Variants in TPCN2 observed in about 807,000 individuals in gnomAD.
TPCN2 encodes two pore segment channel 2.
In TPCN2, 92 loss-of-function variants were observed where a neutral mutation model predicts 111.4. The observed-to-expected ratio is 0.83, with a 90% confidence interval of 0.70 to 0.98. TPCN2 has a LOEUF of 0.98. Ranked by LOEUF, TPCN2 falls within the 50% of genes least tolerant of loss-of-function variation. The probability of loss-of-function intolerance (pLI) is 0.00; values close to 1 mark genes in which losing one functional copy is unlikely to be tolerated. For missense variants in TPCN2, 995 were observed against 980.1 expected, an observed-to-expected ratio of 1.02 and a Z score of -0.20; for synonymous variants, 405 against 414.5, an observed-to-expected ratio of 0.98 and a Z score of 0.28.
At position 69,049,087 on chromosome 11, in the gene TPCN2, C is replaced by T. The variant is rs1237710754; in HGVS notation, c.90C>T (p.Arg30=). 9 of 1,242,138 alleles carry T rather than the reference C, an allele frequency of 7.2e-6. No homozygotes were observed. The highest frequency in any genetic ancestry group is 9.1e-6 in the Non-Finnish European group (9 of 987,972). 76.9% of individuals were successfully genotyped at this position (1,242,138 alleles called of 1,614,324 possible). The change falls in exon 1 of 25, where the codon CGC becomes CGT. Residue 30 remains arginine (R), a synonymous_variant. Coordinates refer to ENST00000294309, the MANE Select transcript of TPCN2 (RefSeq NM_139075.4). Reference sequence around the variant, plus strand: ...GGCCGGCGGGGCTGACCACTTACCGCAGCATCCAAGTCGGCCCTGGTGAGC... The same window carrying T: ...GGCCGGCGGGGCTGACCACTTACCGTAGCATCCAAGTCGGCCCTGGTGAGC... The part of the protein sequence containing the change: ...GDWPAGLTTY[R]SIQVGPGAAA...
At chr11:69,073,192 A>T (rs568750802) in intron 13 of TPCN2, among the ~76,000 whole-genome samples, 191 bp downstream of exon 13, 2 of 152,294 alleles carry the variant, frequency 1.3e-5, no homozygotes, top group South Asian at 2.1e-4. Context: ...TATGAAATTC[A>T]CCAGACCCCA....
intron 19 of TPCN2, chr11:69,084,958 G>C: frequency 2.7e-6 from 1 of 366,512 alleles, no homozygotes; most frequent in Non-Finnish European, 3.8e-6. Flanking sequence ...AGGGTACCTG[G>C]GGGCAGGGCC....
At chr11:69,077,566 C>G (rs1029894852) in intron 13 of TPCN2, among the ~76,000 whole-genome samples, 22 of 152,252 alleles carry the variant, frequency 1.4e-4, no homozygotes, top group African/African-American at 5.3e-4. Context: ...AGAATAGCCA[C>G]TCTATTCAAC....
At chr11:69,071,575 A>G (rs565219756) in intron 10 of TPCN2, among the ~76,000 whole-genome samples, 155 bp downstream of exon 10, 2 of 152,304 alleles carry the variant, frequency 1.3e-5, no homozygotes, top group South Asian at 4.1e-4. Context: ...CCGGGGATGC[A>G]CATGTGTTGT....
intron 5 of TPCN2, among the ~76,000 whole-genome samples, chr11:69,062,640 T>C (rs1399794005): frequency 6.6e-6 from 1 of 152,046 alleles, no homozygotes; most frequent in African/African-American, 2.4e-5. Context: ...AACCTGTGTG[T>C]GCAGCGCCCA....
At chr11:69,052,753 A>G (rs1476233770) in intron 1 of TPCN2, among the ~76,000 whole-genome samples, 2 of 152,180 alleles carry the variant, frequency 1.3e-5, no homozygotes, top group African/African-American at 2.4e-5. Flanking sequence ...TGGGCGGGTC[A>G]TGGCCTGGAG....
At chr11:69,057,732 C>T in intron 5 of TPCN2, 38 bp downstream of exon 5, 1 of 1,597,236 alleles carries the variant, frequency 6.3e-7, no homozygotes, top group Non-Finnish European at 8.6e-7. Context: ...ATGGAGAGAT[C>T]TGGGGCTGGT....
Position 69,055,178 on chromosome 11 carries a change from T to A in TPCN2, c.255T>A (p.Thr85=). 6.2e-7 allele frequency: 1 copy of A among 1,614,006 alleles called. No homozygotes were observed. Reference sequence around the variant, plus strand: ...CATGTTTCTGTCCCCTTTCCAGGACTTTGAGCTTCACCATCTTCTTGATCC... The same window carrying A: ...CATGTTTCTGTCCCCTTTCCAGGACATTGAGCTTCACCATCTTCTTGATCC... The part of the protein sequence containing the change: ...RRYYSNVCQR[T]LSFTIFLILF... The change falls in exon 4 of 25, where the codon ACT becomes ACA. Residue 85 remains threonine, a synonymous_variant. Transcript: ENST00000294309.
chr11:69,076,551 CT>C (rs1855758428), intron 13 of TPCN2, among the ~76,000 whole-genome samples: 1 of 47,670 alleles, frequency 2.1e-5, no homozygotes, highest in Non-Finnish European at 7.2e-5. Context: ...TGCCCTCCTG[CT>C]CTGTCCCTCC....
At chr11:69,053,080 C>T (rs557573079) in intron 1 of TPCN2, among the ~76,000 whole-genome samples, 90 of 152,328 alleles carry the variant, frequency 5.9e-4, no homozygotes, top group African/African-American at 2.0e-3. Context: ...CAGGTGCGCC[C>T]GCTGGCTGCT....
intron 18 of TPCN2, 91 bp downstream of exon 18, chr11:69,081,590 C>A: frequency 1.0e-6 from 1 of 958,526 alleles, no homozygotes; most frequent in Non-Finnish European, 1.5e-6. Flanking sequence ...CAGGAAGGGC[C>A]CGAGGACTGT....
chr11:69,072,177 C>A (rs1454988184), intron 11 of TPCN2, among the ~76,000 whole-genome samples, 154 bp downstream of exon 11: 1 of 152,200 alleles, frequency 6.6e-6, no homozygotes, highest in Non-Finnish European at 1.5e-5. Flanking sequence ...GTCCCTGGCG[C>A]TCTGTGGTTC....
Position 69,084,043 on chromosome 11 carries a change from G to A in TPCN2, c.1761+27G>A, listed in dbSNP as rs772980864. On this transcript the variant is annotated intron_variant, in intron 19 of 24. Coordinates refer to ENST00000294309, the MANE Select transcript of TPCN2 (RefSeq NM_139075.4). ...TGAGTCCCAGGCTGCTGCTGGTGGC[G>A]GGTTATGCACTGGAGTGGGAGGCTG... 7.4e-6 allele frequency: 12 copies of A among 1,612,262 alleles called. No homozygotes were observed. The South Asian group carries it at 7.7e-5, about 10-fold the overall frequency.
At chr11:69,063,572 C>T (rs1855120683) in intron 6 of TPCN2, among the ~76,000 whole-genome samples, 1 of 152,140 alleles carries the variant, frequency 6.6e-6, no homozygotes, top group Non-Finnish European at 1.5e-5. Context: ...GTGCTGACCC[C>T]TCACCATCCA....
chr11:69,055,346 T>G lies in TPCN2; in HGVS notation c.423T>G (p.Ser141=), dbSNP rs143487572. The stretch of plus-strand genomic sequence containing the variant: ...TGCTGGTCTTTGCGGCCGACCTCTC[T>G]GTGAAGGTGAGGCGGGCGCCAGGCC... ...LCLLVFAADL[S]VKGYLFGWAH... Residue 141 remains serine (S), a synonymous_variant, in exon 4 of 25, where the codon TCT becomes TCG. Coordinates refer to ENST00000294309, the MANE Select transcript of TPCN2 (RefSeq NM_139075.4). 7.3e-5 allele frequency: 118 copies of G among 1,607,598 alleles called. No individual in the cohort carries two copies. In the African/African-American group the frequency reaches 1.3e-3, roughly 18 times the overall value.
chr11:69,071,897 GC>G, intron 10 of TPCN2, 25 bp from the exon 11 acceptor site: 1 of 1,607,148 alleles, frequency 6.2e-7, no homozygotes, highest in East Asian at 2.2e-5. Flanking sequence ...GGCTGATCCT[GC>G]CGTTCATAGC....
chr11:69,069,957 G>A (rs961853651), intron 8 of TPCN2, among the ~76,000 whole-genome samples: 2 of 152,154 alleles, frequency 1.3e-5, no homozygotes, highest in Non-Finnish European at 2.9e-5. Context: ...ATTTGGACAG[G>A]AAGGCCTTTC....
intron 18 of TPCN2, among the ~76,000 whole-genome samples, chr11:69,081,738 G>A (rs1320639810): frequency 1.3e-5 from 2 of 152,168 alleles, no homozygotes; most frequent in African/African-American, 2.4e-5. Flanking sequence ...AGGGTGTGGC[G>A]GGTGCAATGC....
At chr11:69,084,116 A>G in intron 19 of TPCN2, 100 bp downstream of exon 19, 5 of 1,280,028 alleles carry the variant, frequency 3.9e-6, no homozygotes, top group South Asian at 1.2e-5. Flanking sequence ...CTCTGTCGGT[A>G]GGAAGGTTCT....
Sources: allele counts gnomAD v4.1 joint callset (sites outside exome capture counted in the v4.1 genomes callset), GRCh38; gene constraint gnomAD v4.1.1; transcripts MANE v1.5; gene names NCBI Gene and HGNC (gene_info 2026-07-23, HGNC 2026-07-21).